The following DSCAML1 variants were observed in gnomAD, a reference collection of about 807,000 sequenced individuals.
DSCAML1 encodes cell adhesion molecule DSCAML1.
DSCAML1 carries 38 observed loss-of-function variants against 200.5 expected under a neutral mutation model. The observed-to-expected ratio is 0.19, with a 90% CI of 0.15 to 0.25. The LOEUF (loss-of-function observed/expected upper bound fraction) is 0.25. Ranked by LOEUF, DSCAML1 falls within the 10% of genes least tolerant of loss-of-function variation. The pLI, the probability that DSCAML1 is intolerant of heterozygous loss-of-function variation, is 1.00. For missense variants in DSCAML1, 2,223 were observed against 2,858.8 expected (o/e 0.78, Z 5.07); for synonymous variants, 1,215 against 1,165.0 (o/e 1.04, Z -0.87).
chr11:117,786,884 C>T (rs1008585444), intron 1 of DSCAML1, among the ~76,000 whole-genome samples: 4 of 152,190 alleles, frequency 2.6e-5, no homozygotes, highest in Admixed American at 6.5e-5. Context: ...GGCAGCCTCA[C>T]CCAGGCATGG....
At chr11:117,545,467 G>T (rs1168205981) in intron 3 of DSCAML1, among the ~76,000 whole-genome samples, 1 of 152,096 alleles carries the variant, frequency 6.6e-6, no homozygotes, top group Non-Finnish European at 1.5e-5. Flanking sequence ...CAGAGAAAAT[G>T]AATACACTCC....
chr11:117,674,372 G>A lies in DSCAML1; in HGVS notation c.511+102419C>T, dbSNP rs116668933. Reference sequence around the variant, plus strand: ...GAAGTTTTGGGTTCTTTGGACGGGGGAAGCTGAAGCAGTACCCACGTTCTA... The same window carrying A: ...GAAGTTTTGGGTTCTTTGGACGGGGAAAGCTGAAGCAGTACCCACGTTCTA... On this transcript the variant is annotated intron_variant, in intron 3 of 32. Transcript: ENST00000651296. Among the ~76,000 whole-genome samples, 891 of 152,228 alleles carry A rather than the reference G, an allele frequency of 5.9e-3. 9 individuals carry two copies. The highest frequency in any genetic ancestry group is 0.02 in the African/African-American group (841 of 41,542).
intron 3 of DSCAML1, among the ~76,000 whole-genome samples, chr11:117,616,661 A>T (rs2051816902): frequency 6.6e-6 from 1 of 152,174 alleles, no homozygotes; most frequent in Non-Finnish European, 1.5e-5. Flanking sequence ...GGAGTTAGTG[A>T]CTGGAAGGGT....
At chr11:117,559,407 C>G (rs1390995759) in intron 3 of DSCAML1, among the ~76,000 whole-genome samples, 1 of 152,226 alleles carries the variant, frequency 6.6e-6, no homozygotes, top group African/African-American at 2.4e-5. Context: ...TTAAAAATCT[C>G]TAAATCCACC....
intron 3 of DSCAML1, among the ~76,000 whole-genome samples, chr11:117,729,229 G>A (rs1044089793): frequency 6.6e-6 from 1 of 152,144 alleles, no homozygotes; most frequent in African/African-American, 2.4e-5. Flanking sequence ...GCAAAAGAAC[G>A]GAGCTGGACC....
intron 30 of DSCAML1, 36 bp from the exon 31 acceptor site, chr11:117,431,764 C>T: frequency 1.3e-6 from 2 of 1,498,336 alleles, no homozygotes; most frequent in Non-Finnish European, 9.0e-7. Context: ...CATCCTCCAA[C>T]CAAAGGCACC....
At chr11:117,563,439 G>A (rs2050700595) in intron 3 of DSCAML1, among the ~76,000 whole-genome samples, 1 of 152,092 alleles carries the variant, frequency 6.6e-6, no homozygotes, top group South Asian at 2.1e-4. Context: ...GAAGTCAGGG[G>A]CCAGCTGCAT....
chr11:117,581,216 T>C (rs1373314471), intron 3 of DSCAML1, among the ~76,000 whole-genome samples: 1 of 152,234 alleles, frequency 6.6e-6, no homozygotes, highest in Non-Finnish European at 1.5e-5. Context: ...TAAGTTACCA[T>C]GGATCACCTG....
chr11:117,795,602 C>T (rs1243906424), intron 1 of DSCAML1, among the ~76,000 whole-genome samples: 1 of 152,208 alleles, frequency 6.6e-6, no homozygotes, highest in Non-Finnish European at 1.5e-5. Flanking sequence ...AACTCAACTA[C>T]TTTGTCGACG....
chr11:117,733,346 T>C (rs1161132918), intron 3 of DSCAML1, among the ~76,000 whole-genome samples: 1 of 152,118 alleles, frequency 6.6e-6, no homozygotes, highest in Non-Finnish European at 1.5e-5. Flanking sequence ...TCCCGAAGAA[T>C]CCCTGGTGCA....
At chr11:117,651,471 C>T (rs531907164) in intron 3 of DSCAML1, among the ~76,000 whole-genome samples, 64 of 151,676 alleles carry the variant, frequency 4.2e-4, no homozygotes, top group Middle Eastern at 3.4e-3. Context: ...TTTGGGAGGC[C>T]GAGGCGGGCA....
In DSCAML1 at chr11:117,718,218, C is replaced by T. The variant is rs55710455; in HGVS notation, c.511+58573G>A. Among the ~76,000 whole-genome samples, 502 of 152,342 alleles carry T rather than the reference C, an allele frequency of 3.3e-3. 1 individual carries two copies. Among genetic ancestry groups the T allele is most frequent in the Non-Finnish European group, 4.2e-3 (286 of 68,024 alleles). On this transcript the variant is annotated intron_variant, in intron 3 of 32. Transcript: ENST00000651296. ...AGCCTCTCTAGAAGCCACTCACGCACCCCGCCATCCCCCACCCCCCTTCCC... is the reference window on the plus strand; with the variant it reads ...AGCCTCTCTAGAAGCCACTCACGCATCCCGCCATCCCCCACCCCCCTTCCC...
At chr11:117,697,431 T>A (rs927491023) in intron 3 of DSCAML1, among the ~76,000 whole-genome samples, 1 of 152,240 alleles carries the variant, frequency 6.6e-6, no homozygotes, top group Admixed American at 6.5e-5. Context: ...TTTTTTTTAT[T>A]ATGGCAAAAT....
chr11:117,738,152 G>A (rs2054354588), intron 3 of DSCAML1, among the ~76,000 whole-genome samples: 1 of 152,086 alleles, frequency 6.6e-6, no homozygotes, highest in African/African-American at 2.4e-5. Flanking sequence ...TACATATTCT[G>A]CATTGTTCTA....
chr11:117,482,285 A>G, intron 11 of DSCAML1, 123 bp from the exon 12 acceptor site: 1 of 1,168,836 alleles, frequency 8.6e-7, no homozygotes, highest in South Asian at 1.5e-5. Context: ...CCAATAAAGG[A>G]GTACAGGGAA....
rs933869175 is a variant in DSCAML1 at position 117,708,239 on chromosome 11, G to T, written c.511+68552C>A. 2.0e-5 allele frequency among the ~76,000 whole-genome samples: 3 copies of T among 152,294 alleles called. No individual in the cohort carries two copies. In the South Asian group the frequency reaches 6.2e-4, roughly 32 times the overall value. On this transcript the variant is annotated intron_variant, in intron 3 of 32. Coordinates refer to ENST00000651296, the MANE Select transcript of DSCAML1 (RefSeq NM_020693.4). ...TTGAACCCTGCCATCCGAAGCTACAGCTCTGTCACAGCATCCTCATCCCCA... is the reference window on the plus strand; with the variant it reads ...TTGAACCCTGCCATCCGAAGCTACATCTCTGTCACAGCATCCTCATCCCCA...
rs2052458644 is a variant in DSCAML1 at position 117,643,683 on chromosome 11, G to C, written c.512-111161C>G. ...CAGCCCAGACCCTCATCTCCTGCAGGGGAGGAGTGGGGGGTGCCCTCACTC... is the reference window on the plus strand; with the variant it reads ...CAGCCCAGACCCTCATCTCCTGCAGCGGAGGAGTGGGGGGTGCCCTCACTC... On this transcript the variant is annotated intron_variant, in intron 3 of 32. Coordinates refer to ENST00000651296, the MANE Select transcript of DSCAML1 (RefSeq NM_020693.4). Among the ~76,000 whole-genome samples, 3 of 152,034 alleles carry C rather than the reference G, an allele frequency of 2.0e-5. No homozygotes were observed. The South Asian group carries it at 6.2e-4, about 32-fold the overall frequency.
intron 1 of DSCAML1, 112 bp downstream of exon 1, chr11:117,796,922 C>T (rs1458456015): frequency 1.3e-6 from 1 of 764,854 alleles, no homozygotes; most frequent in Non-Finnish European, 1.8e-6. Flanking sequence ...GGGCCTTGCA[C>T]CCCGGTCGGT....
intron 3 of DSCAML1, among the ~76,000 whole-genome samples, chr11:117,715,364 C>T (rs1041642216): frequency 7.9e-5 from 12 of 152,170 alleles, no homozygotes; most frequent in African/African-American, 2.7e-4. Flanking sequence ...GGCTTCTCCT[C>T]GACTCCCTTT....
Sources: allele counts gnomAD v4.1 joint callset (sites outside exome capture counted in the v4.1 genomes callset), GRCh38; gene constraint gnomAD v4.1.1; transcripts MANE v1.5; gene names NCBI Gene and HGNC (gene_info 2026-07-23, HGNC 2026-07-21).